Variants in CRHBP observed in about 807,000 individuals in gnomAD.
CRHBP encodes corticotropin releasing hormone binding protein.
A neutral mutation model predicts 34.9 loss-of-function variants in CRHBP; 19 were observed. The observed-to-expected ratio is 0.55, with a 90% CI of 0.38 to 0.80. The LOEUF is 0.80. CRHBP is among the 30% of genes least tolerant of loss of function. The probability of loss-of-function intolerance (pLI) is 0.00; values close to 1 mark genes in which losing one functional copy is unlikely to be tolerated. For synonymous variants in CRHBP, 154 were observed against 153.4 expected (o/e 1.00, Z -0.03); for missense variants, 328 against 409.2 (o/e 0.80, Z 1.71).
chr5:76,953,193 G>A lies in CRHBP; in HGVS notation c.59G>A (p.Arg20Lys). 1 of 1,614,210 alleles carries A rather than the reference G, an allele frequency of 6.2e-7. No individual in the cohort carries two copies. Among genetic ancestry groups the A allele is most frequent in the Non-Finnish European group, 8.5e-7 (1 of 1,180,024 alleles). ...HFILIFLTAL[R>K]GESRYLELRE... is the part of the protein sequence containing the mutation. ...ATTCTCATCTTCCTGACGGCTCTAA[G>A]AGGGGAAAGCCGGTACCTAGAGGTG... is the stretch of plus-strand genomic sequence containing the variant. The change falls in exon 1 of 7, where the codon AGA (arginine) becomes AAA (lysine). Residue 20 changes from arginine to lysine, a missense_variant. By Grantham distance (26) the Arg-to-Lys change is conservative. This residue lies in a region of CRHBP where 173 missense variants were observed against 172.2 expected (regional missense o/e 1.00). Transcript: ENST00000274368.
chr5:76,979,014 C>T (rs1166055840), intron 3 of CRHBP, among the ~76,000 whole-genome samples: 1 of 152,180 alleles, frequency 6.6e-6, no homozygotes, highest in Non-Finnish European at 1.5e-5. Flanking sequence ...CACAGCTGTT[C>T]CAGCTTTCAG....
chr5:76,960,901 A>C (rs1561265918), intron 5 of CRHBP, among the ~76,000 whole-genome samples: 1 of 151,974 alleles, frequency 6.6e-6, no homozygotes, highest in Non-Finnish European at 1.5e-5. Context: ...AGTAGCTGGG[A>C]TTACAAGCAT....
At chr5:76,964,875 A>AT (rs1745836922) in intron 6 of CRHBP, among the ~76,000 whole-genome samples, 1 of 151,632 alleles carries the variant, frequency 6.6e-6, no homozygotes, top group South Asian at 2.1e-4. Context: ...TGTCTCAAAA[A>AT]ATATATATAT....
chr5:76,978,624 T>C (rs988867130), intron 3 of CRHBP, among the ~76,000 whole-genome samples: 2 of 152,234 alleles, frequency 1.3e-5, no homozygotes, highest in African/African-American at 2.4e-5. Flanking sequence ...AAAAGATTAA[T>C]GTTGTTTTCA....
Position 76,960,192 on chromosome 5 carries a change from C to T in CRHBP, c.693+1303C>T, listed in dbSNP as rs111831924. On this transcript the variant is annotated intron_variant, in intron 5 of 6. Transcript: ENST00000274368. Reference sequence around the variant, plus strand: ...GGGAGCATGGGGGTGGATGGAGAGGCGCGGGGCTACTTGTGATAAAGTGGT... The same window carrying T: ...GGGAGCATGGGGGTGGATGGAGAGGTGCGGGGCTACTTGTGATAAAGTGGT... Among the ~76,000 whole-genome samples, 482 of 152,164 alleles carry T rather than the reference C, an allele frequency of 3.2e-3. 2 individuals carry two copies. The highest frequency in any genetic ancestry group is 4.3e-3 in the Non-Finnish European group (293 of 68,020).
At chr5:76,954,648 G>A (rs1408070227) in intron 3 of CRHBP, among the ~76,000 whole-genome samples, 1 of 152,160 alleles carries the variant, frequency 6.6e-6, no homozygotes, top group African/African-American at 2.4e-5. Flanking sequence ...GCTGGTCCAC[G>A]CTCGGCAGAG....
intron 6 of CRHBP, 52 bp downstream of exon 6, chr5:76,963,512 A>G: frequency 6.8e-7 from 1 of 1,468,758 alleles, no homozygotes; most frequent in Non-Finnish European, 9.4e-7. Context: ...TTAAAAAAAA[A>G]TAAGCACTCC....
intron 6 of CRHBP, among the ~76,000 whole-genome samples, chr5:76,965,126 T>G (rs900402616): frequency 1.3e-5 from 2 of 152,232 alleles, no homozygotes; most frequent in African/African-American, 2.4e-5. Flanking sequence ...GGAGGATGTG[T>G]GTAGTTTACA....
chr5:76,976,149 A>G (rs1484888984), intron 2 of CRHBP, among the ~76,000 whole-genome samples: 1 of 151,578 alleles, frequency 6.6e-6, no homozygotes, highest in Non-Finnish European at 1.5e-5. Context: ...TTTTACATCA[A>G]AGAGATCTCT....
intron 3 of CRHBP, chr5:76,976,669 A>G (rs552216020): frequency 6.6e-6 from 1 of 152,360 alleles, no homozygotes; most frequent in South Asian, 2.1e-4. Context: ...CAGTCAAGGC[A>G]CATGGTAGAC....
At chr5:76,974,108 TCAGCCTCCCAAGTAGCTGGAATTA>T (rs1195256132), downstream of CRHBP, among the ~76,000 whole-genome samples, 6 of 152,208 alleles carry the variant, frequency 3.9e-5, no homozygotes, top group South Asian at 2.1e-4. Flanking sequence ...TTCTATTGCC[TCAGCCTCCCAAGTAGCTGGAATTA>T]CAGCCTCCCA....
chr5:76,969,891 C>T (rs1474759612), downstream of CRHBP, among the ~76,000 whole-genome samples: 1 of 140,926 alleles, frequency 7.1e-6, no homozygotes, highest in Non-Finnish European at 1.5e-5. Flanking sequence ...ATGTAAAAGA[C>T]ATCTTGGAGC....
intron 3 of CRHBP, 126 bp downstream of exon 3, chr5:76,954,312 G>A: frequency 1.7e-6 from 2 of 1,170,574 alleles, no homozygotes; most frequent in Non-Finnish European, 2.4e-6. Flanking sequence ...TAGACACTTC[G>A]CTGGTGCCCG....
chr5:76,955,984 A>G (rs1000266830), intron 4 of CRHBP, 121 bp downstream of exon 4: 5 of 803,820 alleles, frequency 6.2e-6, no homozygotes, highest in Non-Finnish European at 9.7e-6. Context: ...ATTTTTTTGT[A>G]ATTAGAAATG....
At chr5:76,963,284 A>G in intron 5 of CRHBP, 59 bp from the exon 6 acceptor site, 1 of 1,451,608 alleles carries the variant, frequency 6.9e-7, no homozygotes, top group Non-Finnish European at 9.7e-7. Context: ...TGTTGGTCAA[A>G]TGGTTTGACT....
intron 6 of CRHBP, among the ~76,000 whole-genome samples, chr5:76,967,621 G>C (rs1317496036): frequency 6.6e-6 from 1 of 151,774 alleles, no homozygotes; most frequent in African/African-American, 2.4e-5. Flanking sequence ...CTTAATAAAA[G>C]TAATATGAGT....
At position 76,955,769 on chromosome 5, in the gene CRHBP, C is replaced by T; in HGVS notation, c.450C>T (p.Ile150=). ...FCESGLSRRS[I]RSSQNVAMIF... ...AGAGTGGTCTTAGCAGGAGGAGCAT[C>T]AGATCTTCCCAGAATGTGGCCATGA... The change falls in exon 4 of 7, where the codon ATC becomes ATT. Residue 150 remains isoleucine, a synonymous_variant. Transcript: ENST00000274368. 6.2e-7 allele frequency: 1 copy of T among 1,614,186 alleles called. No individual in the cohort carries two copies.
chr5:76,976,045 C>T (rs536192016), intron 2 of CRHBP, among the ~76,000 whole-genome samples: 145 of 150,992 alleles, frequency 9.6e-4, no homozygotes, highest in Non-Finnish European at 1.7e-3. Context: ...AAGCCAATCC[C>T]TTCACCCATC....
intron 3 of CRHBP, among the ~76,000 whole-genome samples, chr5:76,980,403 T>C (rs1580102866): frequency 6.6e-6 from 1 of 151,894 alleles, no homozygotes; most frequent in African/African-American, 2.4e-5. Context: ...TCAGGGAGGG[T>C]TTCCACCAGC....
Sources: allele counts gnomAD v4.1 joint callset (sites outside exome capture counted in the v4.1 genomes callset), GRCh38; gene constraint gnomAD v4.1.1; regional missense constraint gnomAD v4.1.1; transcripts MANE v1.5; gene names NCBI Gene and HGNC (gene_info 2026-07-23, HGNC 2026-07-21).